The following DEPDC1B variants were observed in gnomAD, a reference collection of about 807,000 sequenced individuals.
DEPDC1B encodes DEP domain-containing protein 1B.
In DEPDC1B, 51 loss-of-function variants were observed where a neutral mutation model predicts 66.5. That is an observed-to-expected ratio of 0.77 (90% CI 0.61 to 0.97). The LOEUF is 0.97. Ranked by LOEUF, DEPDC1B falls within the 50% of genes least tolerant of loss-of-function variation. The pLI is 0.00. For synonymous variants in DEPDC1B, 226 were observed against 223.6 expected (o/e 1.01, Z -0.10); for missense variants, 552 against 637.1 (o/e 0.87, Z 1.44).
At chr5:60,619,105 C>A (rs1019324418) in intron 7 of DEPDC1B, among the ~76,000 whole-genome samples, 3 of 152,194 alleles carry the variant, frequency 2.0e-5, no homozygotes, top group Non-Finnish European at 4.4e-5. Flanking sequence ...ATGCTAAAAA[C>A]TCTCAATAAA....
intron 2 of DEPDC1B, among the ~76,000 whole-genome samples, chr5:60,673,020 A>T (rs2111990391): frequency 6.6e-6 from 1 of 152,280 alleles, no homozygotes; most frequent in South Asian, 2.1e-4. Context: ...GGTGTTGAGG[A>T]CACAGAGATA....
intron 7 of DEPDC1B, among the ~76,000 whole-genome samples, chr5:60,613,069 G>A (rs1020957854): frequency 5.3e-5 from 8 of 152,092 alleles, no homozygotes; most frequent in Non-Finnish European, 1.0e-4. Context: ...TATTCATTGC[G>A]AGATTTCAAT....
intron 2 of DEPDC1B, among the ~76,000 whole-genome samples, chr5:60,678,377 A>G (rs919426888): frequency 6.6e-6 from 1 of 152,216 alleles, no homozygotes; most frequent in Non-Finnish European, 1.5e-5. Context: ...ATATTCACTT[A>G]ACGAGTTTTT....
intron 2 of DEPDC1B, among the ~76,000 whole-genome samples, chr5:60,649,691 C>T (rs1753398381): frequency 6.6e-6 from 1 of 152,110 alleles, no homozygotes; most frequent in African/African-American, 2.4e-5. Context: ...AACAAACCAT[C>T]TTACACAAAG....
At chr5:60,607,292 G>A (rs533040932) in intron 7 of DEPDC1B, among the ~76,000 whole-genome samples, 13 of 152,148 alleles carry the variant, frequency 8.5e-5, no homozygotes, top group Admixed American at 4.6e-4. Flanking sequence ...GTGCATGGAC[G>A]GGAAAGGAGG....
At chr5:60,610,595 C>A (rs964103877) in intron 7 of DEPDC1B, among the ~76,000 whole-genome samples, 1 of 152,170 alleles carries the variant, frequency 6.6e-6, no homozygotes, top group Non-Finnish European at 1.5e-5. Flanking sequence ...TAATTATACC[C>A]TCCTAAACCC....
At position 60,662,500 on chromosome 5, in the gene DEPDC1B, G is replaced by A. The variant is rs577972776; in HGVS notation, c.315-14967C>T. Among the ~76,000 whole-genome samples the A allele has an allele frequency of 1.6e-4, 25 of 152,242 alleles. No homozygotes were observed. In the South Asian group the frequency reaches 1.9e-3, roughly 11 times the overall value. ...AGAGATCAAGAGGAACAGGTGGAACGGGACAAATAGGATAAAAAGAAGGCC... is the reference window on the plus strand; with the variant it reads ...AGAGATCAAGAGGAACAGGTGGAACAGGACAAATAGGATAAAAAGAAGGCC... On this transcript the variant is annotated intron_variant, in intron 2 of 10. Coordinates refer to ENST00000265036, the MANE Select transcript of DEPDC1B (RefSeq NM_018369.3).
chr5:60,602,473 T>C (rs1482349586), intron 9 of DEPDC1B, among the ~76,000 whole-genome samples: 2 of 152,148 alleles, frequency 1.3e-5, no homozygotes, highest in Non-Finnish European at 2.9e-5. Flanking sequence ...GGTCCTTGAT[T>C]GTGGTGCCTC....
chr5:60,617,336 A>G (rs576255808), intron 7 of DEPDC1B, among the ~76,000 whole-genome samples: 153 of 151,972 alleles, frequency 1.0e-3, no homozygotes, highest in African/African-American at 3.4e-3. Context: ...AAAAGACCCA[A>G]ACTGGCAAAT....
At chr5:60,618,842 G>T (rs912012796) in intron 7 of DEPDC1B, among the ~76,000 whole-genome samples, 1 of 152,242 alleles carries the variant, frequency 6.6e-6, no homozygotes, top group East Asian at 1.9e-4. Context: ...CAAAAAAAGA[G>T]AATTTTACAC....
intron 1 of DEPDC1B, among the ~76,000 whole-genome samples, chr5:60,697,022 T>G (rs1392034134): frequency 2.0e-5 from 3 of 151,992 alleles, no homozygotes; most frequent in Admixed American, 6.5e-5. Context: ...CTTTTAAAAT[T>G]TATCAGTTGC....
chr5:60,645,414 A>T, intron 4 of DEPDC1B, 78 bp downstream of exon 4: 2 of 1,335,642 alleles, frequency 1.5e-6, no homozygotes, highest in East Asian at 2.6e-5. Flanking sequence ...TCAGAAAATT[A>T]AATATGCAGA....
At chr5:60,671,115 C>T (rs1754024761) in intron 2 of DEPDC1B, among the ~76,000 whole-genome samples, 1 of 152,110 alleles carries the variant, frequency 6.6e-6, no homozygotes. Context: ...AGTTTTGGGT[C>T]ACACTACCAG....
intron 7 of DEPDC1B, among the ~76,000 whole-genome samples, chr5:60,634,848 A>G (rs1414679991): frequency 6.6e-6 from 1 of 151,622 alleles, no homozygotes; most frequent in Non-Finnish European, 1.5e-5. Context: ...TTATGTTTTG[A>G]GGTAATTCAA....
chr5:60,699,356 T>C (rs1470210007), intron 1 of DEPDC1B, among the ~76,000 whole-genome samples: 1 of 43,132 alleles, frequency 2.3e-5, no homozygotes, highest in Non-Finnish European at 5.3e-5. Flanking sequence ...CTCTAAAAAC[T>C]TGCCACAGAC....
intron 7 of DEPDC1B, among the ~76,000 whole-genome samples, chr5:60,616,788 G>A (rs1055744870): frequency 3.9e-5 from 6 of 152,020 alleles, no homozygotes; most frequent in African/African-American, 7.2e-5. Context: ...TACAGAGAAC[G>A]CCACAAAGAT....
chr5:60,605,806 G>A lies in DEPDC1B; in HGVS notation c.949C>T (p.Leu317Phe), dbSNP rs774131098. 1.3e-5 allele frequency: 21 copies of A among 1,613,052 alleles called. No homozygotes were observed. Among genetic ancestry groups the A allele is most frequent in the Non-Finnish European group, 1.8e-5 (21 of 1,179,574 alleles). ...VAVEAFQICC[L>F]LLPPENRRKL... is the part of the protein sequence containing the mutation. ...CTCCTATTTTCAGGAGGTAGGAGAAGGCAGCAAATCTGAAATGCTTCAACT... is the reference window on the plus strand; with the variant it reads ...CTCCTATTTTCAGGAGGTAGGAGAAAGCAGCAAATCTGAAATGCTTCAACT... Residue 317 changes from leucine (L) to phenylalanine (F), a missense_variant, in exon 8 of 11, where the codon CTT (leucine) becomes TTT (phenylalanine). Transcript: ENST00000265036.
In DEPDC1B at chr5:60,682,707, T is replaced by C. The variant is rs1453736536; in HGVS notation, c.314+4255A>G. On this transcript the variant is annotated intron_variant, in intron 2 of 10. Transcript: ENST00000265036. ...AACCTAAAGGAAATGGATATATTCATAGACACATGTAACTTACCATGATTG... is the reference window on the plus strand; with the variant it reads ...AACCTAAAGGAAATGGATATATTCACAGACACATGTAACTTACCATGATTG... Among the ~76,000 whole-genome samples the C allele has an allele frequency of 3.9e-5, 6 of 152,212 alleles. No individual in the cohort carries two copies. In the East Asian group the frequency reaches 1.2e-3, roughly 29 times the overall value.
Position 60,647,541 on chromosome 5 carries a change from C to G in DEPDC1B, c.315-8G>C, listed in dbSNP as rs1200775950. 1 of 1,609,086 alleles carries G rather than the reference C, an allele frequency of 6.2e-7. No homozygotes were observed. Among genetic ancestry groups the G allele is most frequent in the South Asian group, 1.1e-5 (1 of 90,118 alleles). On this transcript the variant is annotated splice_polypyrimidine_tract_variant and splice_region_variant and intron_variant, in intron 2 of 10. Transcript: ENST00000265036. ...GGTGAAGAAGGAGGAAATCTAAAAC[C>G]CAAGAAGAAATTCTCTATTACTGCA... is the stretch of plus-strand genomic sequence containing the variant.
Sources: gnomAD v4.1 joint callset for allele counts (sites outside exome capture counted in the v4.1 genomes callset) on GRCh38, gnomAD v4.1.1 for gene constraint, MANE v1.5 for transcripts, NCBI Gene and HGNC (gene_info 2026-07-23, HGNC 2026-07-21) for gene names.